Variants in MAPK10 observed in about 807,000 individuals in gnomAD.
The protein encoded by MAPK10 is JNK3 alpha protein kinase.
A neutral mutation model predicts 59.3 loss-of-function variants in MAPK10; 25 were observed. The ratio of observed to expected loss-of-function variants is 0.42; its 90% confidence interval spans 0.31 to 0.59. MAPK10 has a LOEUF of 0.59. Ranked by LOEUF, MAPK10 falls within the 20% of genes least tolerant of loss-of-function variation. The probability of loss-of-function intolerance (pLI) is 0.15; values close to 1 mark genes in which losing one functional copy is unlikely to be tolerated. For synonymous variants in MAPK10, 190 were observed against 200.5 expected, an observed-to-expected ratio of 0.95 and a Z score of 0.44; for missense variants, 351 against 568.9, an observed-to-expected ratio of 0.62 and a Z score of 3.90.
intron 4 of MAPK10, among the ~76,000 whole-genome samples, chr4:86,145,800 T>C (rs1349679558): frequency 6.6e-6 from 1 of 152,156 alleles, no homozygotes; most frequent in East Asian, 1.9e-4. Flanking sequence ...TGTTTTTCTT[T>C]CCACATGCCT....
chr4:86,324,717 A>G lies in MAPK10; in HGVS notation c.-7+29813T>C, dbSNP rs149752505. 6.3e-3 allele frequency among the ~76,000 whole-genome samples: 961 copies of G among 152,328 alleles called. 7 individuals carry two copies. The highest frequency in any genetic ancestry group is 0.021 in the African/African-American group (862 of 41,572). On this transcript the variant is annotated intron_variant, in intron 2 of 13. Transcript: ENST00000641462. Reference sequence around the variant, plus strand: ...TAAAATCCATCGAATAAATTCTATCATAAAGAGCATTATTAATAAACTTGT... The same window carrying G: ...TAAAATCCATCGAATAAATTCTATCGTAAAGAGCATTATTAATAAACTTGT...
chr4:86,049,296 T>C (rs2043082828), intron 11 of MAPK10, among the ~76,000 whole-genome samples: 1 of 152,066 alleles, frequency 6.6e-6, no homozygotes, highest in South Asian at 2.1e-4. Flanking sequence ...GAGAAACAAA[T>C]ACAGTCATAA....
At chr4:86,375,584 A>G (rs911995431) in intron 1 of MAPK10, among the ~76,000 whole-genome samples, 2 of 151,714 alleles carry the variant, frequency 1.3e-5, no homozygotes, top group African/African-American at 4.8e-5. Flanking sequence ...GCATAGTGGC[A>G]TGCACCTGTG....
chr4:86,532,945 C>A (rs542475447), intron 1 of MAPK10, among the ~76,000 whole-genome samples: 1 of 152,276 alleles, frequency 6.6e-6, no homozygotes, highest in African/African-American at 2.4e-5. Flanking sequence ...ACCACAGTAT[C>A]CTACCTCTAC....
At chr4:86,539,299 C>T (rs1047378297) in intron 1 of MAPK10, among the ~76,000 whole-genome samples, 2 of 152,070 alleles carry the variant, frequency 1.3e-5, no homozygotes, top group African/African-American at 4.8e-5. Flanking sequence ...ATCTTTAAAG[C>T]ACTGGAACAT....
chr4:86,064,614 G>A, intron 10 of MAPK10: 3 of 500,626 alleles, frequency 6.0e-6, no homozygotes, highest in Non-Finnish European at 1.1e-5. Flanking sequence ...TAACACTTTG[G>A]GTATATAATT....
chr4:86,359,936 C>T lies in MAPK10; in HGVS notation c.-400G>A. On this transcript the variant is annotated 5_prime_UTR_variant, in exon 1 of 14. Coordinates refer to ENST00000641462, the MANE Select transcript of MAPK10 (RefSeq NM_138982.4). Reference sequence around the variant, plus strand: ...AGCATATAGCAAGCACCACCCACCCCCATAAAAATAAAAAGTGAAGGGGAG... The same window carrying T: ...AGCATATAGCAAGCACCACCCACCCTCATAAAAATAAAAAGTGAAGGGGAG... 1 of 985,680 alleles carries T rather than the reference C, an allele frequency of 1.0e-6. No homozygotes were observed. The highest frequency in any genetic ancestry group is 1.2e-6 in the Non-Finnish European group (1 of 829,914). The allele number at this position is 985,680 out of a possible 1,614,324, so 61.1% of individuals were successfully genotyped here. A position where few individuals can be genotyped will look rare whatever the true frequency, so the allele number is the denominator to read the frequency against.
At position 86,240,938 on chromosome 4, in the gene MAPK10, C is replaced by T. The variant is rs530326535; in HGVS notation, c.-6-46531G>A. On this transcript the variant is annotated intron_variant, in intron 2 of 13. Coordinates refer to ENST00000641462, the MANE Select transcript of MAPK10 (RefSeq NM_138982.4). ...GCAGTTTCTTCATAGTGTCATTGGT[C>T]TTTATATTTTGGTGTGTTTTTGCAG... 5.9e-5 allele frequency among the ~76,000 whole-genome samples: 9 copies of T among 152,190 alleles called. 1 individual carries two copies. The South Asian group carries it at 1.9e-3, about 32-fold the overall frequency.
At chr4:86,094,560 A>C (rs968873128) in intron 9 of MAPK10, among the ~76,000 whole-genome samples, 6 of 151,938 alleles carry the variant, frequency 3.9e-5, no homozygotes. Context: ...TGGAAAAAAT[A>C]AGGTTGAAGA....
At chr4:86,565,820 G>T (rs940708690) in intron 1 of MAPK10, among the ~76,000 whole-genome samples, 1 of 151,878 alleles carries the variant, frequency 6.6e-6, no homozygotes, top group South Asian at 2.1e-4. Flanking sequence ...TCCTCATCAC[G>T]TTCCTTCCTA....
intron 2 of MAPK10, among the ~76,000 whole-genome samples, chr4:86,234,212 G>C (rs894302120): frequency 2.6e-5 from 4 of 152,006 alleles, no homozygotes; most frequent in African/African-American, 7.2e-5. Context: ...TCCATTTTGA[G>C]GTTGATATAC....
chr4:86,455,740 A>T (rs1271012759), upstream of MAPK10, among the ~76,000 whole-genome samples: 3 of 152,216 alleles, frequency 2.0e-5, no homozygotes. Context: ...ACAGCACTAG[A>T]CAGGACATCA....
At chr4:86,286,481 C>A (rs2095016864) in intron 2 of MAPK10, among the ~76,000 whole-genome samples, 1 of 152,186 alleles carries the variant, frequency 6.6e-6, no homozygotes, top group South Asian at 2.1e-4. Context: ...CTGTTCTAAG[C>A]ACTTTATATT....
chr4:86,395,096 C>T (rs1742742292), intron 1 of MAPK10, among the ~76,000 whole-genome samples: 1 of 152,100 alleles, frequency 6.6e-6, no homozygotes, highest in Non-Finnish European at 1.5e-5. Flanking sequence ...GTCATTGCAG[C>T]CTTCAATATT....
At position 86,101,895 on chromosome 4, in the gene MAPK10, C is replaced by A. The variant is rs1314239624; in HGVS notation, c.563G>T (p.Arg188Met). The change falls in exon 7 of 14, where the codon AGG (arginine) becomes ATG (methionine). Residue 188 changes from arginine to methionine, a missense_variant and splice_region_variant. Coordinates refer to ENST00000641462, the MANE Select transcript of MAPK10 (RefSeq NM_138982.4). ...KHLHSAGIIH[R>M]DLKPSNIVVK... ...TAATCCTAGAGAAGGTGTTCTTACCCTGTGAATAATTCCAGCAGAATGGAG... is the reference window on the plus strand; with the variant it reads ...TAATCCTAGAGAAGGTGTTCTTACCATGTGAATAATTCCAGCAGAATGGAG... 6.2e-7 allele frequency: 1 copy of A among 1,613,854 alleles called. No individual in the cohort carries two copies. Among genetic ancestry groups the A allele is most frequent in the East Asian group, 2.2e-5 (1 of 44,864 alleles).
intron 1 of MAPK10, 76 bp from the exon 2 acceptor site, chr4:86,354,720 A>G: frequency 3.8e-6 from 2 of 519,748 alleles, no homozygotes. Flanking sequence ...AAAAGCTGAC[A>G]TCAAAGACAG....
intron 11 of MAPK10, among the ~76,000 whole-genome samples, chr4:86,063,534 A>G (rs919047156): frequency 2.0e-5 from 3 of 152,186 alleles, no homozygotes; most frequent in Admixed American, 6.5e-5. Flanking sequence ...GGAGGCCTAT[A>G]GAACACACAT....
chr4:86,520,127 T>C (rs1374079298), intron 1 of MAPK10, among the ~76,000 whole-genome samples: 1 of 152,230 alleles, frequency 6.6e-6, no homozygotes, highest in East Asian at 1.9e-4. Flanking sequence ...ATTTCCTGGG[T>C]GTTCTTTAAG....
intron 2 of MAPK10, among the ~76,000 whole-genome samples, chr4:86,280,619 G>T (rs771663763): frequency 6.6e-6 from 1 of 151,960 alleles, no homozygotes; most frequent in Non-Finnish European, 1.5e-5. Flanking sequence ...AAAATAAATC[G>T]TTCTACCAAA....
Sources: gnomAD v4.1 joint callset for allele counts (sites outside exome capture counted in the v4.1 genomes callset) on GRCh38, gnomAD v4.1.1 for gene constraint, MANE v1.5 for transcripts, NCBI Gene and HGNC (gene_info 2026-07-23, HGNC 2026-07-21) for gene names.